FHOD3: variants seen among roughly 807,000 people sequenced by gnomAD.
FHOD3 encodes FH1/FH2 domain-containing protein 3.
FHOD3 carries 90 observed loss-of-function variants against 173.0 expected under a neutral mutation model. The observed-to-expected ratio is 0.52, with a 90% CI of 0.44 to 0.62. FHOD3 has a LOEUF of 0.62. FHOD3 is among the 20% of genes least tolerant of loss of function. The pLI is 0.00. For synonymous variants in FHOD3, 828 were observed against 823.0 expected, an observed-to-expected ratio of 1.01 and a Z score of -0.10; for missense variants, 1,945 against 2,034.7, an observed-to-expected ratio of 0.96 and a Z score of 0.85.
intron 17 of FHOD3, among the ~76,000 whole-genome samples, chr18:36,700,665 A>C (rs1452018040): frequency 6.6e-6 from 1 of 152,060 alleles, no homozygotes; most frequent in Non-Finnish European, 1.5e-5. Context: ...CAGCAACCCA[A>C]TTTAAAAAAA....
At chr18:36,439,391 G>T (rs543651040) in intron 3 of FHOD3, among the ~76,000 whole-genome samples, 1 of 152,286 alleles carries the variant, frequency 6.6e-6, no homozygotes, top group South Asian at 2.1e-4. Flanking sequence ...TTTAGCAGAG[G>T]AGTCAATGAC....
intron 8 of FHOD3, among the ~76,000 whole-genome samples, chr18:36,607,319 C>T (rs1436985203): frequency 6.6e-6 from 1 of 152,194 alleles, no homozygotes; most frequent in African/African-American, 2.4e-5. Flanking sequence ...GCTTGAGTCA[C>T]AGCTGGGGTG....
At chr18:36,525,072 T>C (rs2056451579) in intron 5 of FHOD3, among the ~76,000 whole-genome samples, 1 of 152,198 alleles carries the variant, frequency 6.6e-6, no homozygotes, top group South Asian at 2.1e-4. Flanking sequence ...GTTTAGACCC[T>C]GTATAATCCC....
At chr18:36,612,750 T>G (rs2032816076) in intron 9 of FHOD3, among the ~76,000 whole-genome samples, 1 of 152,224 alleles carries the variant, frequency 6.6e-6, no homozygotes, top group Non-Finnish European at 1.5e-5. Flanking sequence ...GCCTTTAACT[T>G]GTAGGCAGAA....
intron 1 of FHOD3, among the ~76,000 whole-genome samples, chr18:36,336,245 G>C (rs1041528138): frequency 1.3e-5 from 2 of 152,178 alleles, no homozygotes; most frequent in African/African-American, 4.8e-5. Flanking sequence ...CACCTTGAAT[G>C]CTGAACCGGA....
At chr18:36,601,251 C>T (rs1182061724) in intron 7 of FHOD3, among the ~76,000 whole-genome samples, 6 of 152,170 alleles carry the variant, frequency 3.9e-5, no homozygotes, top group Non-Finnish European at 5.9e-5. Flanking sequence ...GCAACTTAGC[C>T]AAAGCAAAAG....
At chr18:36,490,591 A>G (rs1015854597) in intron 3 of FHOD3, among the ~76,000 whole-genome samples, 6 of 152,144 alleles carry the variant, frequency 3.9e-5, no homozygotes, top group Non-Finnish European at 7.4e-5. Context: ...TTTGAAGGCC[A>G]TTTGCCTCCT....
intron 10 of FHOD3, among the ~76,000 whole-genome samples, chr18:36,644,259 A>G (rs1271397524): frequency 6.6e-6 from 1 of 152,266 alleles, no homozygotes; most frequent in Admixed American, 6.5e-5. Flanking sequence ...TCCTTAGCAC[A>G]ATATAAACAC....
At chr18:36,313,115 C>G (rs1340297045) in intron 1 of FHOD3, among the ~76,000 whole-genome samples, 1 of 152,128 alleles carries the variant, frequency 6.6e-6, no homozygotes, top group African/African-American at 2.4e-5. Context: ...TGTGGCAGCT[C>G]CAGGCTCCAA....
At chr18:36,581,721 C>G (rs2058859897) in intron 6 of FHOD3, among the ~76,000 whole-genome samples, 1 of 152,334 alleles carries the variant, frequency 6.6e-6, no homozygotes, top group South Asian at 2.1e-4. Flanking sequence ...CTCTCTCTTT[C>G]TCTGTCATAT....
At chr18:36,650,182 T>C (rs946934141) in intron 11 of FHOD3, among the ~76,000 whole-genome samples, 2 of 152,232 alleles carry the variant, frequency 1.3e-5, no homozygotes, top group African/African-American at 4.8e-5. Context: ...ACTTAATTGA[T>C]TGCCACTGCA....
At chr18:36,456,270 A>T (rs2052207313) in intron 3 of FHOD3, among the ~76,000 whole-genome samples, 1 of 152,120 alleles carries the variant, frequency 6.6e-6, no homozygotes, top group African/African-American at 2.4e-5. Context: ...GTGACAAATC[A>T]ACTTCTGACA....
chr18:36,424,596 A>C (rs894427657), intron 3 of FHOD3, among the ~76,000 whole-genome samples: 8 of 152,196 alleles, frequency 5.3e-5, no homozygotes, highest in African/African-American at 1.7e-4. Context: ...TGAATGAATG[A>C]ATCTCAGATC....
intron 1 of FHOD3, among the ~76,000 whole-genome samples, chr18:36,333,230 A>G (rs1295409882): frequency 6.6e-6 from 1 of 152,112 alleles, no homozygotes; most frequent in Admixed American, 6.5e-5. Flanking sequence ...TCGGGTTCTA[A>G]TTTTTACTTG....
At chr18:36,674,967 C>A (rs79880278) in intron 14 of FHOD3, among the ~76,000 whole-genome samples, 2,880 of 152,268 alleles carry the variant, frequency 0.019, 89 homozygotes, top group African/African-American at 0.065. Flanking sequence ...ACTGTTACTT[C>A]TGGGGATTTT....
chr18:36,366,208 T>C (rs1425180804), intron 2 of FHOD3, among the ~76,000 whole-genome samples: 3 of 152,140 alleles, frequency 2.0e-5, no homozygotes, highest in Admixed American at 6.6e-5. Flanking sequence ...TGGATTATTA[T>C]TGTCGATTCT....
intron 3 of FHOD3, among the ~76,000 whole-genome samples, chr18:36,402,506 T>TACACACACACACACAC (rs146120105): frequency 1.8e-3 from 262 of 143,978 alleles, no homozygotes; most frequent in Middle Eastern, 0.014. Context: ...GATGCAATTA[T>TACACACACACACACAC]ACACACACAC....
chr18:36,693,143 A>C, intron 16 of FHOD3, 66 bp from the exon 17 acceptor site: 1 of 1,475,710 alleles, frequency 6.8e-7, no homozygotes, highest in Non-Finnish European at 9.3e-7. Flanking sequence ...TGTTTCATCC[A>C]TAAACAAGCA....
At chr18:36,558,787 G>A (rs2057985928) in intron 5 of FHOD3, among the ~76,000 whole-genome samples, 1 of 152,186 alleles carries the variant, frequency 6.6e-6, no homozygotes, top group African/African-American at 2.4e-5. Flanking sequence ...TTAAAAATAT[G>A]TTAAAATAGT....
Sources: gnomAD v4.1 joint callset for allele counts (sites outside exome capture counted in the v4.1 genomes callset) on GRCh38, gnomAD v4.1.1 for gene constraint, MANE v1.5 for transcripts, NCBI Gene and HGNC (gene_info 2026-07-23, HGNC 2026-07-21) for gene names.